The following ZNF786 variants were observed in gnomAD, a reference collection of about 807,000 sequenced individuals.
ZNF786 encodes the protein zinc finger protein 786.
In ZNF786, 56 loss-of-function variants were observed where a neutral mutation model predicts 63.1. That is an observed-to-expected ratio of 0.89 (90% CI 0.72 to 1.11). The LOEUF is 1.11. ZNF786 is among the 50% of genes least tolerant of loss of function. The pLI, the probability that ZNF786 is intolerant of heterozygous loss-of-function variation, is 0.00. For missense variants in ZNF786, 1,213 were observed against 1,041.8 expected (o/e 1.16, Z -2.26); for synonymous variants, 485 against 406.9 (o/e 1.19, Z -2.31).
chr7:149,084,612 G>A (rs1825706158), intron 1 of ZNF786, among the ~76,000 whole-genome samples: 2 of 152,186 alleles, frequency 1.3e-5, no homozygotes, highest in Non-Finnish European at 2.9e-5. Context: ...CTTTTGAGAA[G>A]TGTCTGTTCA....
rs561733505 is a variant in ZNF786 at position 149,072,150 on chromosome 7, C to T, written c.622G>A (p.Gly208Ser). Residue 208 changes from glycine (G) to serine (S), a missense_variant, in exon 4 of 4, where the codon GGC (glycine) becomes AGC (serine). By Grantham distance (56) the Gly-to-Ser change is moderately conservative. Coordinates refer to ENST00000491431, the MANE Select transcript of ZNF786 (RefSeq NM_152411.4). ...CTACGTGTCCGGTCCTTTGAGTGGC[C>T]TCTCTGGTGCATTACTAAATGGTTG... ...ENNHLVMHQR[G>S]HSKDRTRRAW... is the part of the protein sequence containing the mutation. The T allele has an allele frequency of 6.2e-7, 1 of 1,613,170 alleles. No homozygotes were observed. The highest frequency in any genetic ancestry group is 1.3e-5 in the African/African-American group (1 of 75,044).
chr7:149,089,576 C>CAA (rs1218204489), intron 1 of ZNF786, among the ~76,000 whole-genome samples: 2 of 152,104 alleles, frequency 1.3e-5, no homozygotes, highest in East Asian at 3.9e-4. Context: ...CTCGGCCTCT[C>CAA]AAAGTGCTGG....
At chr7:149,083,389 G>GT (rs1173564144) in intron 1 of ZNF786, among the ~76,000 whole-genome samples, 1 of 151,794 alleles carries the variant, frequency 6.6e-6, no homozygotes, top group Admixed American at 6.6e-5. Context: ...GCTAATTTTT[G>GT]TATCTTTAGT....
rs1461129748 is a variant in ZNF786, at chr7:149,071,685, G to A, written c.1087C>T (p.His363Tyr). The change falls in exon 4 of 4, where the codon CAT becomes TAT. Residue 363 changes from histidine (H) to tyrosine (Y), a missense_variant. Coordinates refer to ENST00000491431, the MANE Select transcript of ZNF786 (RefSeq NM_152411.4). Reference sequence around the variant, plus strand: ...CAGGAGCAGGGCCCCTCTGCGCCATGCTGCAGCGCCTCCGTGTCCCCTTCC... The same window carrying A: ...CAGGAGCAGGGCCCCTCTGCGCCATACTGCAGCGCCTCCGTGTCCCCTTCC... ...HQEGDTEALQ[H>Y]GAEGPCSCSE... The A allele has an allele frequency of 1.3e-5, 21 of 1,567,898 alleles. No homozygotes were observed. Among genetic ancestry groups the A allele is most frequent in the Non-Finnish European group, 1.6e-5 (19 of 1,163,998 alleles).
At chr7:149,072,952 A>G (rs1270209703) in intron 3 of ZNF786, among the ~76,000 whole-genome samples, 1 of 152,202 alleles carries the variant, frequency 6.6e-6, no homozygotes, top group Non-Finnish European at 1.5e-5. Flanking sequence ...CAGGAAAGCC[A>G]GTGTATCGCA....
chr7:149,080,884 G>C (rs1825640546), intron 1 of ZNF786, among the ~76,000 whole-genome samples, 167 bp from the exon 2 acceptor site: 1 of 152,122 alleles, frequency 6.6e-6, no homozygotes, highest in Non-Finnish European at 1.5e-5. Flanking sequence ...ACATCGTTCT[G>C]CTGTTAACCA....
chr7:149,073,704 CGT>C lies in ZNF786; in HGVS notation c.298+680_298+681del, dbSNP rs529064265. ...ACATTTATATACATATGTATATACA[CGT>C]GTGTGTGTATATGTGTGCGTGTGTG... On this transcript the variant is annotated intron_variant, in intron 3 of 3. Transcript: ENST00000491431. 7.4e-3 allele frequency among the ~76,000 whole-genome samples: 938 copies of C among 126,332 alleles called. 11 individuals are homozygous for C. Among genetic ancestry groups the C allele is most frequent in the Middle Eastern group, 0.022 (5 of 226 alleles). 82.9% of individuals were successfully genotyped at this position (126,332 alleles called of 152,430 possible).
intron 1 of ZNF786, 54 bp from the exon 2 acceptor site, chr7:149,080,771 A>G: frequency 6.5e-7 from 1 of 1,538,890 alleles, no homozygotes; most frequent in Non-Finnish European, 8.7e-7. Context: ...AAATGACTCC[A>G]GCTCCTTCTC....
In ZNF786 at chr7:149,070,847, A is replaced by G; in HGVS notation, c.1925T>C (p.Leu642Pro). Residue 642 changes from leucine to proline, a missense_variant, in exon 4 of 4, where the codon CTG (leucine) becomes CCG (proline). Physicochemically the swap from Leu to Pro is moderately conservative, Grantham distance 98. Coordinates refer to ENST00000491431, the MANE Select transcript of ZNF786 (RefSeq NM_152411.4). ...GGAGAAAGGCATCTCCCCGCTGTGC[A>G]GCAGCTGGTGGGCCTTCATGTCGGC... is the stretch of plus-strand genomic sequence containing the variant. Reference protein sequence around the residue: ...VKADMKAHQLLHSGEMPFSCE... With the variant: ...VKADMKAHQLPHSGEMPFSCE... The G allele has an allele frequency of 6.2e-7, 1 of 1,613,714 alleles. No homozygotes were observed. The highest frequency in any genetic ancestry group is 1.3e-5 in the African/African-American group (1 of 75,012).
rs781438930 is a variant in ZNF786 at position 149,072,358 on chromosome 7, G to A, written c.414C>T (p.Leu138=). The A allele has an allele frequency of 9.9e-6, 16 of 1,613,416 alleles. No individual in the cohort carries two copies. Among genetic ancestry groups the A allele is most frequent in the Middle Eastern group, 1.6e-4 (1 of 6,084 alleles). Reference sequence around the variant, plus strand: ...TGGCGTCGTGTCTCTGTGGGCTCCCGAGGGTGATGCCTTGGTCAGGCCTGA... The same window carrying A: ...TGGCGTCGTGTCTCTGTGGGCTCCCAAGGGTGATGCCTTGGTCAGGCCTGA... ...VSFRPDQGIT[L]GSPQRHDARA... is the part of the protein sequence containing the mutation. The change falls in exon 4 of 4, where the codon CTC becomes CTT. Residue 138 remains leucine (L), a synonymous_variant. Coordinates refer to ENST00000491431, the MANE Select transcript of ZNF786 (RefSeq NM_152411.4).
chr7:149,078,543 G>A (rs1825598599), intron 2 of ZNF786, among the ~76,000 whole-genome samples: 1 of 152,098 alleles, frequency 6.6e-6, no homozygotes, highest in Non-Finnish European at 1.5e-5. Flanking sequence ...AATTAGCAGG[G>A]CGTGGTGGCG....
Position 149,070,101 on chromosome 7 carries a change from G to A in ZNF786, c.*322C>T. The stretch of plus-strand genomic sequence containing the variant: ...GTAGAAATTGTTTTCGTTTGCAGAT[G>A]CCTCCTTTTTCATAAAATTATGTCC... On this transcript the variant is annotated 3_prime_UTR_variant, in exon 4 of 4. Coordinates refer to ENST00000491431, the MANE Select transcript of ZNF786 (RefSeq NM_152411.4). 4.8e-6 allele frequency: 1 copy of A among 207,604 alleles called. No homozygotes were observed. Among genetic ancestry groups the A allele is most frequent in the Non-Finnish European group, 9.8e-6 (1 of 102,250 alleles). 12.9% of individuals were successfully genotyped at this position (207,604 alleles called of 1,614,324 possible).
intron 1 of ZNF786, among the ~76,000 whole-genome samples, chr7:149,089,371 G>C (rs921313324): frequency 6.6e-6 from 1 of 151,478 alleles, no homozygotes; most frequent in African/African-American, 2.4e-5. Flanking sequence ...CTGGAGTGCA[G>C]TGGCGCCATC....
Position 149,071,089 on chromosome 7 carries a change from C to T in ZNF786, c.1683G>A (p.Lys561=). 1.9e-6 allele frequency: 3 copies of T among 1,611,846 alleles called. No individual in the cohort carries two copies. Among genetic ancestry groups the T allele is most frequent in the Non-Finnish European group, 2.5e-6 (3 of 1,179,416 alleles). ...ACTCCCCGCACGAGAACGGCCTCTC[C>T]TTGCTGTGCGTGTGCTGGTGGGCCT... ...ILKAHQHTHS[K]ERPFSCGECG... The change falls in exon 4 of 4, where the codon AAG becomes AAA. Residue 561 remains lysine, a synonymous_variant. Coordinates refer to ENST00000491431, the MANE Select transcript of ZNF786 (RefSeq NM_152411.4).
Position 149,071,362 on chromosome 7 carries a change from C to T in ZNF786, c.1410G>A (p.Arg470=). Reference sequence around the variant, plus strand: ...TCTCGTCCGTGTGCAGCCGCTGGTGCCGCAGCAGCTGTCCCCTCTGACGGA... The same window carrying T: ...TCTCGTCCGTGTGCAGCCGCTGGTGTCGCAGCAGCTGTCCCCTCTGACGGA... ...RNFRQRGQLL[R]HQRLHTDEKP... The change falls in exon 4 of 4, where the codon CGG becomes CGA. Residue 470 remains arginine (R), a synonymous_variant. Coordinates refer to ENST00000491431, the MANE Select transcript of ZNF786 (RefSeq NM_152411.4). 3 of 1,613,158 alleles carry T rather than the reference C, an allele frequency of 1.9e-6. No individual in the cohort carries two copies. The highest frequency in any genetic ancestry group is 2.5e-6 in the Non-Finnish European group (3 of 1,179,730).
chr7:149,090,430 C>G (rs1403992184), intron 1 of ZNF786, among the ~76,000 whole-genome samples, 193 bp downstream of exon 1: 2 of 152,242 alleles, frequency 1.3e-5, no homozygotes, highest in Non-Finnish European at 2.9e-5. Context: ...TGGCCACGGA[C>G]AAGCCGCGGG....
intron 1 of ZNF786, among the ~76,000 whole-genome samples, chr7:149,083,279 G>A (rs148219937): frequency 0.012 from 1,766 of 151,418 alleles, 42 homozygotes; most frequent in African/African-American, 0.041. Flanking sequence ...AAAGTGGCAC[G>A]ATCTCAGCTC....
At chr7:149,078,265 G>T (rs1027028397) in intron 2 of ZNF786, among the ~76,000 whole-genome samples, 1 of 152,110 alleles carries the variant, frequency 6.6e-6, no homozygotes, top group Non-Finnish European at 1.5e-5. Context: ...AGGGTTAATG[G>T]CATAGAATTA....
chr7:149,081,434 T>C (rs1484753105), intron 1 of ZNF786, among the ~76,000 whole-genome samples: 11 of 50,444 alleles, frequency 2.2e-4, no homozygotes, highest in Non-Finnish European at 2.9e-4. Context: ...AGACTCGGTC[T>C]CAAAAAAAAA....
Sources: gnomAD v4.1 joint callset for allele counts (sites outside exome capture counted in the v4.1 genomes callset) on GRCh38, gnomAD v4.1.1 for gene constraint, MANE v1.5 for transcripts, NCBI Gene and HGNC (gene_info 2026-07-23, HGNC 2026-07-21) for gene names.